Variants in GRM7 observed in about 807,000 individuals in gnomAD.
GRM7 encodes the protein metabotropic glutamate receptor 7.
GRM7 carries 35 observed loss-of-function variants against 84.5 expected under a neutral mutation model. That is an observed-to-expected ratio of 0.41 (90% CI 0.32 to 0.55). The LOEUF (loss-of-function observed/expected upper bound fraction) is 0.55, where lower values mean the gene tolerates loss of function less well. GRM7 is among the 20% of genes least tolerant of loss of function. The probability of loss-of-function intolerance (pLI) is 0.19; values close to 1 mark genes in which losing one functional copy is unlikely to be tolerated. For missense variants in GRM7, 1,003 were observed against 1,194.6 expected (o/e 0.84, Z 2.36); for synonymous variants, 487 against 455.1 (o/e 1.07, Z -0.89).
chr3:6,932,215 A>C (rs1411574805), intron 1 of GRM7, among the ~76,000 whole-genome samples: 3 of 152,226 alleles, frequency 2.0e-5, no homozygotes, highest in Non-Finnish European at 4.4e-5. Flanking sequence ...TCCTAAATGC[A>C]TTTTAAAAGA....
rs1332356178 is a variant in GRM7 at position 6,861,304 on chromosome 3, A to C, written c.-85A>C. 4 of 1,223,744 alleles carry C rather than the reference A, an allele frequency of 3.3e-6. No homozygotes were observed. The highest frequency in any genetic ancestry group is 4.3e-6 in the Non-Finnish European group (4 of 934,026). 75.8% of individuals were successfully genotyped at this position (1,223,744 alleles called of 1,614,324 possible). On this transcript the variant is annotated 5_prime_UTR_variant, in exon 1 of 10. Coordinates refer to ENST00000357716, the MANE Select transcript of GRM7 (RefSeq NM_000844.4). This position sits in a 1 kb window ranked among gnomAD's most constrained non-coding sequence, Gnocchi z 6.4. Reference sequence around the variant, plus strand: ...AGGAGCCCCTGGGCTTTCCCGGAGGAGCTCGCCCTGAAGGGCCCGGACCTC... The same window carrying C: ...AGGAGCCCCTGGGCTTTCCCGGAGGCGCTCGCCCTGAAGGGCCCGGACCTC...
At chr3:6,879,238 A>C (rs1695421822) in intron 1 of GRM7, among the ~76,000 whole-genome samples, 1 of 152,202 alleles carries the variant, frequency 6.6e-6, no homozygotes, top group South Asian at 2.1e-4. Flanking sequence ...TCAAATCTAG[A>C]AAGTCTGATT....
At chr3:7,238,227 C>A (rs1170896539) in intron 2 of GRM7, among the ~76,000 whole-genome samples, 1 of 152,168 alleles carries the variant, frequency 6.6e-6, no homozygotes, top group African/African-American at 2.4e-5. Flanking sequence ...CCAACTCTTC[C>A]TCCCCTGTCC....
intron 8 of GRM7, among the ~76,000 whole-genome samples, chr3:7,599,729 T>C (rs1238677292): frequency 6.6e-6 from 1 of 152,178 alleles, no homozygotes; most frequent in African/African-American, 2.4e-5. Flanking sequence ...AAGAATCTTA[T>C]ACTCCTGAAA....
chr3:7,582,297 C>A (rs959221569), intron 8 of GRM7, among the ~76,000 whole-genome samples: 19 of 152,114 alleles, frequency 1.2e-4, no homozygotes, highest in African/African-American at 4.6e-4. Context: ...CGGTCAAAAT[C>A]TGAAAAATTC....
At chr3:7,070,983 C>A (rs991388301) in intron 1 of GRM7, among the ~76,000 whole-genome samples, 1 of 152,040 alleles carries the variant, frequency 6.6e-6, no homozygotes, top group Non-Finnish European at 1.5e-5. Context: ...TTCAAGAGCA[C>A]ACTGGGGTTT....
chr3:7,166,817 C>T (rs113004924), intron 2 of GRM7, among the ~76,000 whole-genome samples: 18 of 152,292 alleles, frequency 1.2e-4, no homozygotes, highest in African/African-American at 4.3e-4. Context: ...AGGATTCCTG[C>T]TTACTTCTTT....
At chr3:7,114,006 T>G (rs2125037301) in intron 1 of GRM7, among the ~76,000 whole-genome samples, 1 of 152,316 alleles carries the variant, frequency 6.6e-6, no homozygotes, top group South Asian at 2.1e-4. Flanking sequence ...GATATTTATC[T>G]GATTTCAATT....
intron 1 of GRM7, among the ~76,000 whole-genome samples, chr3:7,023,454 G>A (rs1310871307): frequency 6.6e-6 from 1 of 152,078 alleles, no homozygotes; most frequent in Admixed American, 6.5e-5. Flanking sequence ...ATGCCCAGGT[G>A]CCTTGTGTTG....
chr3:7,638,609 T>C lies in GRM7; in HGVS notation c.2452-41440T>C, dbSNP rs138358194. On this transcript the variant is annotated intron_variant, in intron 8 of 9. Coordinates refer to ENST00000357716, the MANE Select transcript of GRM7 (RefSeq NM_000844.4). ...TGGATCTAGTGTTTGGATTTGTCCA[T>C]ATTTTTTCTGAAATTGGCATGCTGT... Among the ~76,000 whole-genome samples, 46 of 152,362 alleles carry C rather than the reference T, an allele frequency of 3.0e-4. 3 individuals are homozygous for C. The highest frequency in any genetic ancestry group is 1.1e-3 in the African/African-American group (45 of 41,596).
At chr3:6,946,654 A>G (rs1004006531) in intron 1 of GRM7, among the ~76,000 whole-genome samples, 4 of 152,112 alleles carry the variant, frequency 2.6e-5, no homozygotes, top group African/African-American at 7.2e-5. Flanking sequence ...CTTGGGCAGT[A>G]TGGCCATTTT....
intron 7 of GRM7, among the ~76,000 whole-genome samples, chr3:7,550,769 G>A (rs898366680): frequency 6.6e-6 from 1 of 151,942 alleles, no homozygotes; most frequent in Admixed American, 6.6e-5. Context: ...TTGGTCTATA[G>A]CTGTGGTGTG....
At chr3:7,316,208 A>T (rs7634925) in intron 4 of GRM7, among the ~76,000 whole-genome samples, 36,174 of 151,906 alleles carry the variant, frequency 0.24, 6,289 homozygotes, top group African/African-American at 0.49. Flanking sequence ...CAGGATATAA[A>T]AGGAGGATCA....
chr3:7,511,194 A>T (rs921185975), intron 7 of GRM7, among the ~76,000 whole-genome samples: 3 of 152,194 alleles, frequency 2.0e-5, no homozygotes, highest in Admixed American at 2.0e-4. Context: ...AGCTTGACTT[A>T]GTTTACATGC....
At chr3:7,219,915 A>T (rs1696743591) in intron 2 of GRM7, among the ~76,000 whole-genome samples, 1 of 152,184 alleles carries the variant, frequency 6.6e-6, no homozygotes, top group Non-Finnish European at 1.5e-5. Context: ...ATAAAAACCC[A>T]TGATGGTAAA....
chr3:7,531,107 G>C (rs1356869346), intron 7 of GRM7, among the ~76,000 whole-genome samples: 3 of 152,030 alleles, frequency 2.0e-5, no homozygotes, highest in Admixed American at 6.6e-5. Context: ...AATCAATCTT[G>C]AGTTAATTTT....
At chr3:7,294,111 G>A (rs74821892) in intron 2 of GRM7, among the ~76,000 whole-genome samples, 256 of 152,274 alleles carry the variant, frequency 1.7e-3, no homozygotes, top group African/African-American at 6.1e-3. Context: ...CCGTAAGAGG[G>A]GATGAGCGTC....
chr3:7,268,729 G>A (rs1213116969), intron 2 of GRM7, among the ~76,000 whole-genome samples: 5 of 152,158 alleles, frequency 3.3e-5, no homozygotes, highest in Non-Finnish European at 5.9e-5. Flanking sequence ...TAAAACAGAA[G>A]GGACTTACCA....
chr3:6,863,838 C>T lies in GRM7; in HGVS notation c.519+1931C>T, dbSNP rs1400931382. ...ATTATTTTGCCTGTTTCTTCACTCA[C>T]CCTGGGCAGTACTGCGGATCAGCCT... On this transcript the variant is annotated intron_variant, in intron 1 of 9. Transcript: ENST00000357716. The surrounding 1 kb of genome is among the most constrained non-coding windows in gnomAD (Gnocchi z 4.8). 4.6e-5 allele frequency among the ~76,000 whole-genome samples: 7 copies of T among 152,138 alleles called. 1 individual carries two copies. The highest frequency in any genetic ancestry group is 1.7e-4 in the African/African-American group (7 of 41,424).
Sources: allele counts gnomAD v4.1 joint callset (sites outside exome capture counted in the v4.1 genomes callset), GRCh38; gene constraint gnomAD v4.1.1; non-coding constraint Gnocchi (gnomAD v3.1); transcripts MANE v1.5; gene names NCBI Gene and HGNC (gene_info 2026-07-23, HGNC 2026-07-21).